Variants in MELTF observed in about 807,000 individuals in gnomAD.
MELTF encodes the protein melanotransferrin, also known as antigen p97 (melanoma associated) identified by monoclonal antibodies 133.2 and 96.5.
In MELTF, 67 loss-of-function variants were observed where a neutral mutation model predicts 83.7. The ratio of observed to expected loss-of-function variants is 0.80; its 90% CI spans 0.66 to 0.98. MELTF has a LOEUF of 0.98. MELTF is among the 50% of genes least tolerant of loss of function. The pLI, the probability that MELTF is intolerant of heterozygous loss-of-function variation, is 0.00. For missense variants in MELTF, 1,002 were observed against 1,035.6 expected, an observed-to-expected ratio of 0.97 and a Z score of 0.44; for synonymous variants, 462 against 447.6, an observed-to-expected ratio of 1.03 and a Z score of -0.41.
In MELTF at chr3:197,003,923, C is replaced by G. The variant is rs1044537523; in HGVS notation, c.2115G>C (p.Ser705=). ...LDYVAALEGM[S]SQQCSGAAAP... The stretch of plus-strand genomic sequence containing the variant: ...TACCTGCGCCCGAGCACTGCTGAGA[C>G]GACATCCCTTCCAGCGCCGCCACGT... The change falls in exon 15 of 16, where the codon TCG becomes TCC. Residue 705 remains serine (S), a synonymous_variant. Coordinates refer to ENST00000296350, the MANE Select transcript of MELTF (RefSeq NM_005929.6). This position sits in a 1 kb window ranked among gnomAD's most constrained non-coding sequence, Gnocchi z 6.2. 1 of 1,613,886 alleles carries G rather than the reference C, an allele frequency of 6.2e-7. No homozygotes were observed. The highest frequency in any genetic ancestry group is 2.2e-5 in the East Asian group (1 of 44,884).
chr3:197,021,616 C>T, intron 5 of MELTF, 145 bp from the exon 6 acceptor site: 2 of 711,060 alleles, frequency 2.8e-6, no homozygotes, highest in Non-Finnish European at 4.8e-6. Flanking sequence ...AGCTCCCTGG[C>T]TGGTCGGCTG....
intron 6 of MELTF, chr3:197,019,873 C>T (rs1441289382): frequency 4.7e-6 from 7 of 1,480,366 alleles, no homozygotes; most frequent in East Asian, 2.4e-5. Flanking sequence ...AATCATCAGA[C>T]GTCCTGGGAG....
chr3:197,015,188 C>G, intron 9 of MELTF, among the ~76,000 whole-genome samples, 177 bp downstream of exon 9: 1 of 152,298 alleles, frequency 6.6e-6, no homozygotes, highest in East Asian at 1.9e-4. Flanking sequence ...CCGCCTGTCT[C>G]TGTCCCCTGG....
chr3:197,004,120 C>A (rs770321268), intron 14 of MELTF, 21 bp from the exon 15 acceptor site: 2 of 1,613,210 alleles, frequency 1.2e-6, no homozygotes, highest in East Asian at 4.5e-5. Flanking sequence ...CGCAGGCAGA[C>A]GACCTGCTCC....
intron 9 of MELTF, among the ~76,000 whole-genome samples, chr3:197,012,382 C>T (rs1465086095): frequency 1.3e-5 from 2 of 152,262 alleles, no homozygotes; most frequent in South Asian, 2.1e-4. Context: ...GAGGGTTACA[C>T]GAGATGATCC....
intron 7 of MELTF, 47 bp from the exon 8 acceptor site, chr3:197,016,416 C>T (rs1391526511): frequency 2.8e-6 from 4 of 1,419,042 alleles, no homozygotes; most frequent in Non-Finnish European, 3.7e-6. Flanking sequence ...TGCTGACAGG[C>T]CATATCCTTC....
In MELTF at chr3:197,006,372, C is replaced by T. The variant is rs1718975953; in HGVS notation, c.1938+177G>A. ...GACTGAGAAGGGAAAATCAACGATGCAGGAGGCAGAGGGGACAGTTTCTGG... is the reference window on the plus strand; with the variant it reads ...GACTGAGAAGGGAAAATCAACGATGTAGGAGGCAGAGGGGACAGTTTCTGG... On this transcript the variant is annotated intron_variant, in intron 14 of 15. Transcript: ENST00000296350. This position sits in a 1 kb window ranked among gnomAD's most constrained non-coding sequence, Gnocchi z 5.4. Among the ~76,000 whole-genome samples, 1 of 152,196 alleles carries T rather than the reference C, an allele frequency of 6.6e-6. No individual in the cohort carries two copies. Among genetic ancestry groups the T allele is most frequent in the African/African-American group, 2.4e-5 (1 of 41,438 alleles).
At chr3:197,021,598 TGG>T (rs1719626346) in intron 5 of MELTF, 127 bp from the exon 6 acceptor site, 1 of 817,550 alleles carries the variant, frequency 1.2e-6, no homozygotes. Context: ...TTGTGTGGTC[TGG>T]GTTCCAGCTC....
In MELTF at chr3:197,004,050, G is replaced by T. The variant is rs1018068358; in HGVS notation, c.1988C>A (p.Ser663Tyr). 6.2e-7 allele frequency: 1 copy of T among 1,614,186 alleles called. No individual in the cohort carries two copies. The highest frequency in any genetic ancestry group is 8.5e-7 in the Non-Finnish European group (1 of 1,180,036). ...CAGGTCTTGGCCATGATAGTTGGAG[G>T]AGTCGAACATTTTGAACCCGTTCTT... Reference protein sequence around the residue: ...HNKNGFKMFDSSNYHGQDLLF... With the variant: ...HNKNGFKMFDYSNYHGQDLLF... The change falls in exon 15 of 16, where the codon TCC (serine) becomes TAC (tyrosine). Residue 663 changes from serine to tyrosine, a missense_variant. Coordinates refer to ENST00000296350, the MANE Select transcript of MELTF (RefSeq NM_005929.6).
At chr3:197,013,951 C>T (rs1326717912) in intron 9 of MELTF, among the ~76,000 whole-genome samples, 3 of 152,232 alleles carry the variant, frequency 2.0e-5, no homozygotes, top group Admixed American at 2.0e-4. Flanking sequence ...GAAGTCCCTC[C>T]ACAAACTACA....
At position 197,003,506 on chromosome 3, in the gene MELTF, C is replaced by CA; in HGVS notation, c.2138-56dup. On this transcript the variant is annotated intron_variant, in intron 15 of 15. Coordinates refer to ENST00000296350, the MANE Select transcript of MELTF (RefSeq NM_005929.6). The surrounding 1 kb of genome is among the most constrained non-coding windows in gnomAD (Gnocchi z 6.2). ...GAAGCCCGGGCCGCGGTGGCCGCCT[C>CA]AGGCGCCCGCTCTGGGGTGGGGGTG... 9.6e-7 allele frequency: 1 copy of CA among 1,036,636 alleles called. No individual in the cohort carries two copies. Among genetic ancestry groups the CA allele is most frequent in the South Asian group, 4.7e-5 (1 of 21,404 alleles). The allele number at this position is 1,036,636 out of a possible 1,614,324, so 64.2% of individuals were successfully genotyped here.
chr3:197,018,594 G>A (rs1331908505), intron 6 of MELTF, among the ~76,000 whole-genome samples: 1 of 151,960 alleles, frequency 6.6e-6, no homozygotes, highest in Non-Finnish European at 1.5e-5. Context: ...TTACAGGTGT[G>A]CACCAAGATG....
At chr3:197,010,978 C>T (rs573764843) in intron 9 of MELTF, among the ~76,000 whole-genome samples, 184 bp from the exon 10 acceptor site, 58 of 152,308 alleles carry the variant, frequency 3.8e-4, no homozygotes, top group African/African-American at 1.2e-3. Context: ...CTTGTGAAGA[C>T]GCCTGGCCAG....
rs1051729688 is a variant in MELTF at position 197,003,212 on chromosome 3, AGCGCCAGGTG to A, written c.*150_*159del. ...GCCCGGGGGCGGCGCCTCAGGTAGC[AGCGCCAGGTG>A]GCGCCCGTGGGCGGCGGGGCTCCCG... On this transcript the variant is annotated 3_prime_UTR_variant, in exon 16 of 16. Transcript: ENST00000296350. This position sits in a 1 kb window ranked among gnomAD's most constrained non-coding sequence, Gnocchi z 6.2. 5.9e-5 allele frequency: 47 copies of A among 790,092 alleles called. No homozygotes were observed. The highest frequency in any genetic ancestry group is 7.1e-5 in the Non-Finnish European group (46 of 646,396). 48.9% of individuals were successfully genotyped at this position (790,092 alleles called of 1,614,324 possible). A position where few individuals can be genotyped will look rare whatever the true frequency, so the allele number is the denominator to read the frequency against.
intron 14 of MELTF, chr3:197,004,451 C>T (rs1718904846): frequency 5.9e-6 from 2 of 338,138 alleles, no homozygotes; most frequent in South Asian, 5.7e-5. Flanking sequence ...CTGCTGAGCA[C>T]TTCTTGGCCT....
rs527688102 is a variant in MELTF at position 197,015,426 on chromosome 3, A to C, written c.1172T>G (p.Leu391Arg). 6.8e-5 allele frequency: 108 copies of C among 1,597,650 alleles called. 2 individuals carry two copies. In the South Asian group the frequency reaches 1.2e-3, roughly 17 times the overall value. ...TGACACGCACTGGATCTCTGGCTTG[A>C]GCCGCTGCCGGCGGAAGGCCACGGC... ...DMAVAFRRQR[L>R]KPEIQCVSAK... The change falls in exon 9 of 16, where the codon CTC becomes CGC. Residue 391 changes from leucine to arginine, a missense_variant. Transcript: ENST00000296350.
chr3:197,009,655 T>A lies in MELTF; in HGVS notation c.1488A>T (p.Arg496Ser). ...CACAGTCCTTGGGCCGGATGAAGCC[T>A]CTCTGAATAAGGGCACCCACGGGGA... The part of the protein sequence containing the change: ...WDVPVGALIQ[R>S]GFIRPKDCDV... Residue 496 changes from arginine (R) to serine (S), a missense_variant, in exon 11 of 16, where the codon AGA becomes AGT. Physicochemically the swap from Arg to Ser is moderately radical, Grantham distance 110. Transcript: ENST00000296350. 6.8e-6 allele frequency: 11 copies of A among 1,613,440 alleles called. No homozygotes were observed. Among genetic ancestry groups the A allele is most frequent in the Non-Finnish European group, 8.5e-6 (10 of 1,179,676 alleles).
chr3:197,016,050 G>T, intron 8 of MELTF, 139 bp downstream of exon 8: 1 of 714,570 alleles, frequency 1.4e-6, no homozygotes, highest in Non-Finnish European at 2.1e-6. Context: ...AAGCCCCAGG[G>T]GCAGAGGAAT....
At chr3:197,005,464 A>G (rs1452141512) in intron 14 of MELTF, among the ~76,000 whole-genome samples, 1 of 152,242 alleles carries the variant, frequency 6.6e-6, no homozygotes, top group East Asian at 1.9e-4. Flanking sequence ...TATAGATGGT[A>G]TTTGATGACA....
Sources: gnomAD v4.1 joint callset for allele counts (sites outside exome capture counted in the v4.1 genomes callset) on GRCh38, gnomAD v4.1.1 for gene constraint, Gnocchi (gnomAD v3.1) non-coding constraint, MANE v1.5 for transcripts, NCBI Gene and HGNC (gene_info 2026-07-23, HGNC 2026-07-21) for gene names.